Variants in LRP1B observed in about 807,000 individuals in gnomAD.
LRP1B encodes LDL receptor related protein 1B, also known as low-density lipoprotein receptor-related protein 1B.
A neutral mutation model predicts 556.6 loss-of-function variants in LRP1B; 217 were observed. The ratio of observed to expected loss-of-function variants is 0.39; its 90% confidence interval spans 0.35 to 0.44. The LOEUF (loss-of-function observed/expected upper bound fraction) is 0.44. LRP1B is among the 20% of genes least tolerant of loss of function. The probability of loss-of-function intolerance (pLI) is 1.00; values close to 1 mark genes in which losing one functional copy is unlikely to be tolerated. For missense variants in LRP1B, 5,053 were observed against 5,620.8 expected, an observed-to-expected ratio of 0.90 and a Z score of 3.23; for synonymous variants, 2,047 against 1,865.8, an observed-to-expected ratio of 1.10 and a Z score of -2.50.
intron 3 of LRP1B, among the ~76,000 whole-genome samples, chr2:141,414,280 G>GGGGAGA (rs1379626092): frequency 2.0e-5 from 3 of 147,738 alleles, no homozygotes; most frequent in Non-Finnish European, 4.5e-5. Flanking sequence ...AGGGAGGGAG[G>GGGGAGA]GGGAGAGGGA....
chr2:141,248,640 G>T (rs938812940), intron 4 of LRP1B, among the ~76,000 whole-genome samples: 2 of 152,140 alleles, frequency 1.3e-5, no homozygotes, highest in African/African-American at 4.8e-5. Flanking sequence ...AGATGAAACT[G>T]GGAAAGTACT....
intron 3 of LRP1B, among the ~76,000 whole-genome samples, chr2:141,342,088 C>CA (rs1688082457): frequency 6.6e-6 from 1 of 150,986 alleles, no homozygotes; most frequent in Middle Eastern, 3.2e-3. Flanking sequence ...ACTAAAAATA[C>CA]AAAAAATTAG....
In LRP1B at chr2:141,086,988, G is replaced by T. The variant is rs536030236; in HGVS notation, c.1014-24715C>A. 2.6e-5 allele frequency among the ~76,000 whole-genome samples: 4 copies of T among 152,326 alleles called. No individual in the cohort carries two copies. The South Asian group carries it at 8.3e-4, about 32-fold the overall frequency. On this transcript the variant is annotated intron_variant, in intron 7 of 90. Transcript: ENST00000389484. ...GTTGTTGAAATGGGCTAGAAAAAAA[G>T]TGTTTGCAGAAAGTAGGCATCCCAC...
At chr2:141,122,473 T>TG (rs1196687018) in intron 7 of LRP1B, among the ~76,000 whole-genome samples, 1 of 150,550 alleles carries the variant, frequency 6.6e-6, no homozygotes, top group African/African-American at 2.4e-5. Context: ...AGAAGACATT[T>TG]ATGCAGCCAA....
chr2:140,408,405 C>A (rs1684838972), intron 66 of LRP1B, among the ~76,000 whole-genome samples: 1 of 151,922 alleles, frequency 6.6e-6, no homozygotes. Flanking sequence ...ATCTTGTGAG[C>A]TCTGGGTTTT....
intron 1 of LRP1B, among the ~76,000 whole-genome samples, chr2:142,122,421 C>T (rs1225395901): frequency 1.3e-5 from 2 of 151,990 alleles, no homozygotes; most frequent in East Asian, 3.9e-4. Flanking sequence ...TTTAGTATAT[C>T]TAAATTCAAC....
rs575460468 is a variant in LRP1B, at chr2:140,579,980, G to A, written c.7194+18651C>T. Among the ~76,000 whole-genome samples the A allele has an allele frequency of 1.2e-4, 19 of 152,296 alleles. No homozygotes were observed. In the South Asian group the frequency reaches 3.5e-3, roughly 28 times the overall value. Reference sequence around the variant, plus strand: ...TGACCGTATCCTATATATGCAAATGGAGAAAATCCATTGTTCTCTATTTCT... The same window carrying A: ...TGACCGTATCCTATATATGCAAATGAAGAAAATCCATTGTTCTCTATTTCT... On this transcript the variant is annotated intron_variant, in intron 43 of 90. Transcript: ENST00000389484.
intron 31 of LRP1B, among the ~76,000 whole-genome samples, chr2:140,831,749 A>C (rs1262024699): frequency 6.6e-6 from 1 of 152,230 alleles, no homozygotes; most frequent in Non-Finnish European, 1.5e-5. Flanking sequence ...ACAGAATGGA[A>C]GAAAATATTT....
chr2:141,663,375 TA>T lies in LRP1B; in HGVS notation c.205+146903del, dbSNP rs920347861. Among the ~76,000 whole-genome samples the T allele has an allele frequency of 3.1e-4, 46 of 146,122 alleles. 1 individual carries two copies. Among genetic ancestry groups the T allele is most frequent in the African/African-American group, 8.1e-4 (32 of 39,510 alleles). ...AGGAGATAGAGACACAGAAAACCCT[TA>T]AAAAAAAATCAATGAATCCAGGAGC... On this transcript the variant is annotated intron_variant, in intron 2 of 90. Coordinates refer to ENST00000389484, the MANE Select transcript of LRP1B (RefSeq NM_018557.3).
intron 1 of LRP1B, among the ~76,000 whole-genome samples, chr2:141,864,696 A>AT (rs1240665993): frequency 6.6e-6 from 1 of 152,184 alleles, no homozygotes; most frequent in Non-Finnish European, 1.5e-5. Flanking sequence ...CCTGGCCAAC[A>AT]TGGTGAAACC....
chr2:141,448,090 C>T (rs890974396), intron 3 of LRP1B, among the ~76,000 whole-genome samples: 1 of 152,198 alleles, frequency 6.6e-6, no homozygotes, highest in Non-Finnish European at 1.5e-5. Flanking sequence ...GGGGCTGCTG[C>T]CTTTCTTTCA....
chr2:141,398,361 G>T (rs930398696), intron 3 of LRP1B, among the ~76,000 whole-genome samples: 1 of 152,106 alleles, frequency 6.6e-6, no homozygotes, highest in Admixed American at 6.5e-5. Context: ...ATGCTCAAAA[G>T]GTGGCCAAAA....
chr2:142,032,112 T>A (rs1703732366), intron 1 of LRP1B, among the ~76,000 whole-genome samples: 1 of 151,872 alleles, frequency 6.6e-6, no homozygotes, highest in African/African-American at 2.4e-5. Flanking sequence ...ACTCAGTTAG[T>A]GATACTTGGT....
At chr2:141,948,411 A>G (rs1215747585) in intron 1 of LRP1B, among the ~76,000 whole-genome samples, 2 of 152,094 alleles carry the variant, frequency 1.3e-5, no homozygotes, top group Non-Finnish European at 2.9e-5. Context: ...AGCTATAAAT[A>G]TATTGTAAAT....
At chr2:140,447,811 G>C (rs544611450) in intron 63 of LRP1B, among the ~76,000 whole-genome samples, 1 of 151,798 alleles carries the variant, frequency 6.6e-6, no homozygotes, top group African/African-American at 2.4e-5. Context: ...TCTTCCTTTC[G>C]CTGGAACACT....
At chr2:141,094,263 T>C (rs1440908962) in intron 7 of LRP1B, among the ~76,000 whole-genome samples, 6 of 152,166 alleles carry the variant, frequency 3.9e-5, no homozygotes, top group Admixed American at 3.9e-4. Flanking sequence ...ATTCTAAAAA[T>C]CTAAAATATT....
intron 2 of LRP1B, among the ~76,000 whole-genome samples, chr2:141,574,998 A>C (rs1686680226): frequency 6.6e-6 from 1 of 152,218 alleles, no homozygotes; most frequent in Non-Finnish European, 1.5e-5. Context: ...CACGGACAGG[A>C]AGAATCAATA....
chr2:140,531,315 T>C (rs371334897), intron 47 of LRP1B, among the ~76,000 whole-genome samples: 2 of 152,188 alleles, frequency 1.3e-5, no homozygotes, highest in South Asian at 4.1e-4. Flanking sequence ...TATCTATTTC[T>C]AGGTCTTCTC....
At chr2:140,938,927 A>G (rs1478344116) in intron 20 of LRP1B, among the ~76,000 whole-genome samples, 1 of 152,112 alleles carries the variant, frequency 6.6e-6, no homozygotes, top group East Asian at 1.9e-4. Flanking sequence ...ATAACAAAAG[A>G]TATGGAAGAC....
Sources: gnomAD v4.1 joint callset for allele counts (sites outside exome capture counted in the v4.1 genomes callset) on GRCh38, gnomAD v4.1.1 for gene constraint, MANE v1.5 for transcripts, NCBI Gene and HGNC (gene_info 2026-07-23, HGNC 2026-07-21) for gene names.